Variants in XPO4 observed in about 807,000 individuals in gnomAD.
The protein encoded by XPO4 is exportin 4, also known as exportin-4.
Under a neutral mutation model 143.0 loss-of-function variants are expected in XPO4, and 39 were observed. The ratio of observed to expected loss-of-function variants is 0.27; its 90% CI spans 0.21 to 0.36. XPO4 has a LOEUF of 0.36. Ranked by LOEUF, XPO4 falls within the 10% of genes least tolerant of loss-of-function variation. XPO4 has a pLI of 1.00. For missense variants in XPO4, 907 were observed against 1,348.0 expected (o/e 0.67, Z 5.12); for synonymous variants, 439 against 474.0 (o/e 0.93, Z 0.96).
At chr13:20,863,137 C>T (rs1445682582) in intron 2 of XPO4, 42 of 1,083,258 alleles carry the variant, frequency 3.9e-5, no homozygotes, top group Non-Finnish European at 4.6e-5. Context: ...AAAAATAACA[C>T]AGCTTTAAAA....
At chr13:20,857,563 TAA>T (rs562557674) in intron 3 of XPO4, among the ~76,000 whole-genome samples, 4 of 141,270 alleles carry the variant, frequency 2.8e-5, no homozygotes, top group South Asian at 2.3e-4. Context: ...CCGTCTCTAC[TAA>T]AAAAAAAAAA....
At chr13:20,891,952 T>G (rs1389394599) in intron 1 of XPO4, among the ~76,000 whole-genome samples, 3 of 151,632 alleles carry the variant, frequency 2.0e-5, no homozygotes, top group African/African-American at 7.3e-5. Context: ...CCCAGGGAAG[T>G]GGAGCTACAG....
In XPO4 at chr13:20,865,539, T is replaced by C. The variant is rs1018766309; in HGVS notation, c.176-2681A>G. On this transcript the variant is annotated intron_variant, in intron 2 of 22. Coordinates refer to ENST00000255305, the MANE Select transcript of XPO4 (RefSeq NM_022459.5). Reference sequence around the variant, plus strand: ...GTCACTTTAGCAAAATGCTTTCATCTGCTACCACAGTAACTTTCTTTAATA... The same window carrying C: ...GTCACTTTAGCAAAATGCTTTCATCCGCTACCACAGTAACTTTCTTTAATA... 6.1e-6 allele frequency: 6 copies of C among 979,620 alleles called. No individual in the cohort carries two copies. In the African/African-American group the frequency reaches 1.1e-4, roughly 17 times the overall value. The allele number at this position is 979,620 out of a possible 1,614,324, so 60.7% of individuals were successfully genotyped here. A position where few individuals can be genotyped will look rare whatever the true frequency, so the allele number is the denominator to read the frequency against.
At chr13:20,827,269 G>T (rs2059796817) in intron 6 of XPO4, 90 bp from the exon 7 acceptor site, 1 of 893,862 alleles carries the variant, frequency 1.1e-6, no homozygotes. Context: ...CATCTAGAAA[G>T]AATTTGTAAT....
chr13:20,886,033 T>C (rs2060459043), intron 1 of XPO4, among the ~76,000 whole-genome samples: 1 of 152,130 alleles, frequency 6.6e-6, no homozygotes, highest in Non-Finnish European at 1.5e-5. Context: ...AACATGTAAC[T>C]CTCAGTAACT....
intron 4 of XPO4, chr13:20,852,445 C>A: frequency 1.0e-6 from 1 of 985,380 alleles, no homozygotes; most frequent in Non-Finnish European, 1.2e-6. Flanking sequence ...TGATGACCAA[C>A]ATTGGATAAT....
chr13:20,901,255 G>C (rs1453488227), intron 1 of XPO4, among the ~76,000 whole-genome samples: 1 of 152,158 alleles, frequency 6.6e-6, no homozygotes, highest in African/African-American at 2.4e-5. Flanking sequence ...GATAAAAGCA[G>C]CTTTGCCAGG....
At chr13:20,837,948 A>G (rs1285110643) in intron 6 of XPO4, among the ~76,000 whole-genome samples, 1 of 152,140 alleles carries the variant, frequency 6.6e-6, no homozygotes, top group African/African-American at 2.4e-5. Context: ...GGGTGGGGAC[A>G]CAGAGTCAAA....
At chr13:20,825,172 C>G (rs1163322251) in intron 7 of XPO4, among the ~76,000 whole-genome samples, 1 of 151,842 alleles carries the variant, frequency 6.6e-6, no homozygotes, top group African/African-American at 2.4e-5. Flanking sequence ...TTTCCAAGAC[C>G]TTATAGAAGG....
intron 6 of XPO4, among the ~76,000 whole-genome samples, chr13:20,842,037 G>C (rs1384806440): frequency 6.6e-6 from 1 of 152,092 alleles, no homozygotes; most frequent in Non-Finnish European, 1.5e-5. Context: ...GCTATTAAGA[G>C]CTCAATAAAT....
At chr13:20,871,104 G>A (rs2762999) in intron 1 of XPO4, among the ~76,000 whole-genome samples, 36,191 of 151,918 alleles carry the variant, frequency 0.24, 5,930 homozygotes, top group East Asian at 0.8. Context: ...CATCGTGCCC[G>A]GCCAATTTTC....
intron 4 of XPO4, among the ~76,000 whole-genome samples, chr13:20,844,617 A>G (rs544726081): frequency 6.6e-6 from 1 of 152,366 alleles, no homozygotes; most frequent in South Asian, 2.1e-4. Context: ...AGATGATACT[A>G]TTTATGCAAG....
intron 1 of XPO4, among the ~76,000 whole-genome samples, chr13:20,900,105 C>T (rs368829148): frequency 1.5e-4 from 23 of 152,238 alleles, no homozygotes; most frequent in African/African-American, 4.3e-4. Flanking sequence ...GAAAGTAACA[C>T]GCCAGGTGCA....
At chr13:20,866,706 G>A (rs971664994) in intron 2 of XPO4, among the ~76,000 whole-genome samples, 2 of 152,026 alleles carry the variant, frequency 1.3e-5, no homozygotes, top group Non-Finnish European at 2.9e-5. Flanking sequence ...TTAAAAGCAT[G>A]GCCAGAACTA....
intron 4 of XPO4, chr13:20,850,102 T>A (rs529258810): frequency 8.1e-6 from 8 of 984,250 alleles, no homozygotes; most frequent in African/African-American, 7.0e-5. Flanking sequence ...CAAGACTCTG[T>A]CTCAACAAAA....
At chr13:20,882,093 G>C (rs1003141729) in intron 1 of XPO4, among the ~76,000 whole-genome samples, 1 of 122,228 alleles carries the variant, frequency 8.2e-6, no homozygotes, top group African/African-American at 3.6e-5. Context: ...CTGGGCGACA[G>C]AGTAAGACTC....
chr13:20,891,956 G>A (rs181220558), intron 1 of XPO4, among the ~76,000 whole-genome samples: 1 of 151,882 alleles, frequency 6.6e-6, no homozygotes, highest in Admixed American at 6.6e-5. Flanking sequence ...GGGAAGTGGA[G>A]CTACAGACAG....
chr13:20,792,556 G>A (rs9506554), intron 18 of XPO4, among the ~76,000 whole-genome samples: 55,605 of 151,326 alleles, frequency 0.37, 12,293 homozygotes, highest in Non-Finnish European at 0.5. Context: ...GTGACAGAGC[G>A]AGACGCTGTC....
intron 4 of XPO4, chr13:20,848,256 A>G (rs1019859065): frequency 1.4e-5 from 14 of 983,356 alleles, no homozygotes; most frequent in Non-Finnish European, 1.3e-5. Flanking sequence ...AAATAAAAAC[A>G]TTCTGCAGGA....
Sources: gnomAD v4.1 joint callset for allele counts (sites outside exome capture counted in the v4.1 genomes callset) on GRCh38, gnomAD v4.1.1 for gene constraint, MANE v1.5 for transcripts, NCBI Gene and HGNC (gene_info 2026-07-23, HGNC 2026-07-21) for gene names.